EPPIN: variants seen among roughly 807,000 people sequenced by gnomAD.
EPPIN encodes the protein epididymal peptidase inhibitor, also known as WAP four-disulfide core domain protein 7.
Under a neutral mutation model 18.8 loss-of-function variants are expected in EPPIN, and 14 were observed. That is an observed-to-expected ratio of 0.75 (90% confidence interval 0.49 to 1.17). EPPIN has a LOEUF of 1.17. EPPIN is among the 50% of genes most tolerant of loss of function. The pLI, the probability that EPPIN is intolerant of heterozygous loss-of-function variation, is 0.00. For missense variants in EPPIN, 143 were observed against 154.2 expected, an observed-to-expected ratio of 0.93 and a Z score of 0.39; for synonymous variants, 57 against 54.8, an observed-to-expected ratio of 1.04 and a Z score of -0.18.
rs1405971856 is a variant in EPPIN, at chr20:45,542,973, C to CT, written c.224-107dup. 7 of 1,469,870 alleles carry CT rather than the reference C, an allele frequency of 4.8e-6. No individual in the cohort carries two copies. The Admixed American group carries it at 1.7e-4, about 36-fold the overall frequency. The allele number at this position is 1,469,870 out of a possible 1,614,324, so 91.1% of individuals were successfully genotyped here. ...CTATAGAAGAAACTGGAGTAGGCTC[C>CT]TTTTCTCTTATCACATGGCAGGAGC... is the stretch of plus-strand genomic sequence containing the variant. On this transcript the variant is annotated intron_variant, in intron 2 of 3. Coordinates refer to ENST00000354280, the MANE Select transcript of EPPIN (RefSeq NM_020398.4).
At chr20:45,542,226 T>G (rs889140359) in intron 3 of EPPIN, 72 bp from the exon 4 acceptor site, 170 of 1,593,394 alleles carry the variant, frequency 1.1e-4, no homozygotes, top group Middle Eastern at 3.3e-4. Flanking sequence ...GAAGTTATGT[T>G]TATACATCTT....
In EPPIN at chr20:45,542,721, G is replaced by A. The variant is rs6032285; in HGVS notation, c.370C>T (p.Leu124=). The change falls in exon 3 of 4, where the codon CTG becomes TTG. Residue 124 remains leucine (L), a synonymous_variant. Transcript: ENST00000354280. The part of the protein sequence containing the change: ...NNNFQSKANC[L]NTCKNKRFP ...TTACGTTTATTCTTGCAGGTGTTCA[G>A]GCAGTTGGCTTTGGATTGGAAGTTG... is the stretch of plus-strand genomic sequence containing the variant. The A allele has an allele frequency of 1.9e-6, 3 of 1,613,864 alleles. No individual in the cohort carries two copies. Among genetic ancestry groups the A allele is most frequent in the Non-Finnish European group, 2.5e-6 (3 of 1,179,828 alleles).
rs11594 is a variant in EPPIN, at chr20:45,542,073, C to A, written c.*71G>T. On this transcript the variant is annotated 3_prime_UTR_variant, in exon 4 of 4. Coordinates refer to ENST00000354280, the MANE Select transcript of EPPIN (RefSeq NM_020398.4). ...AAACTGGAAGCCAGTCTGGAGCATC[C>A]GTCAGGTACAGGAACAGTACTCAGA... 0.86 allele frequency: 1,370,079 copies of A among 1,584,742 alleles called. 593,212 individuals are homozygous for A. The highest frequency in any genetic ancestry group is 0.98 in the African/African-American group (72,291 of 74,060).
At chr20:45,546,989 G>A (rs570768683) in intron 1 of EPPIN, among the ~76,000 whole-genome samples, 27 of 152,132 alleles carry the variant, frequency 1.8e-4, no homozygotes, top group African/African-American at 6.3e-4. Flanking sequence ...TTCCTGTAGC[G>A]ACTCCCCTGA....
intron 2 of EPPIN, 99 bp downstream of exon 2, chr20:45,545,540 G>T (rs746265586): frequency 2.0e-5 from 31 of 1,587,740 alleles, no homozygotes; most frequent in African/African-American, 2.7e-5. Flanking sequence ...TTTTGCCAGA[G>T]ACCAGCCCTC....
intron 2 of EPPIN, chr20:45,544,463 C>T (rs946452510): frequency 6.6e-6 from 1 of 152,090 alleles, no homozygotes; most frequent in Non-Finnish European, 1.5e-5. Context: ...CAAAAAGGCT[C>T]GTAAAAACTG....
chr20:45,545,727 C>T lies in EPPIN; in HGVS notation c.135G>A (p.Arg45=), dbSNP rs1229325050. The change falls in exon 2 of 4, where the codon AGG becomes AGA. Residue 45 remains arginine, a synonymous_variant. Coordinates refer to ENST00000354280, the MANE Select transcript of EPPIN (RefSeq NM_020398.4). Reference sequence around the variant, plus strand: ...ATTGTCTGTCCTTTGTACACACATCCCTTTCTTGGAATTCACATTCTTCTC... The same window carrying T: ...ATTGTCTGTCCTTTGTACACACATCTCTTTCTTGGAATTCACATTCTTCTC... ...KIREECEFQE[R]DVCTKDRQCQ... is the part of the protein sequence containing the mutation. The T allele has an allele frequency of 2.5e-6, 4 of 1,614,026 alleles. No homozygotes were observed. The highest frequency in any genetic ancestry group is 2.2e-5 in the South Asian group (2 of 91,064).
chr20:45,545,464 C>T (rs537959797), intron 2 of EPPIN, 175 bp downstream of exon 2: 2 of 1,066,430 alleles, frequency 1.9e-6, no homozygotes, highest in Non-Finnish European at 2.7e-6. Context: ...TAAGGTCATT[C>T]CTAATGGCAC....
chr20:45,542,594 C>G, intron 3 of EPPIN, 106 bp downstream of exon 3: 2 of 1,473,426 alleles, frequency 1.4e-6, no homozygotes, highest in Non-Finnish European at 1.8e-6. Flanking sequence ...GTTCTGTCAG[C>G]ACCAGGTCTG....
chr20:45,544,390 T>C (rs1297210010), intron 2 of EPPIN: 1 of 152,206 alleles, frequency 6.6e-6, no homozygotes, highest in Non-Finnish European at 1.5e-5. Flanking sequence ...TCTTTTACAC[T>C]GATCCTTTTA....
At chr20:45,542,365 G>A (rs1257754521) in intron 3 of EPPIN, 5 of 681,690 alleles carry the variant, frequency 7.3e-6, no homozygotes, top group Non-Finnish European at 1.2e-5. Context: ...AGAAGGGTTG[G>A]TTGGTCAACG....
At chr20:45,542,645 A>T in intron 3 of EPPIN, 55 bp downstream of exon 3, 2 of 1,579,162 alleles carry the variant, frequency 1.3e-6, no homozygotes, top group Non-Finnish European at 1.7e-6. Context: ...GCCAACACCC[A>T]GACCTCCCGG....
In EPPIN at chr20:45,547,259, A is replaced by G. The variant is rs756936989; in HGVS notation, c.91+8T>C. The G allele has an allele frequency of 8.1e-6, 13 of 1,613,710 alleles. No homozygotes were observed. The East Asian group carries it at 8.9e-5, about 11-fold the overall frequency. ...CTCTCTAGGGTAAGGGCTGAGGCCA[A>G]TACTTACTGGGAAATAACCAATCAG... is the stretch of plus-strand genomic sequence containing the variant. On this transcript the variant is annotated splice_region_variant and intron_variant, in intron 1 of 3. Coordinates refer to ENST00000354280, the MANE Select transcript of EPPIN (RefSeq NM_020398.4).
At chr20:45,542,460 A>T in intron 3 of EPPIN, 1 of 644,550 alleles carries the variant, frequency 1.6e-6, no homozygotes, top group East Asian at 2.8e-5. Context: ...ACCCCTCCTA[A>T]TTCCCCTCAT....
rs1380476105 is a variant in EPPIN, at chr20:45,542,853, G to A, written c.238C>T (p.Pro80Ser). 25 of 1,613,068 alleles carry A rather than the reference G, an allele frequency of 1.5e-5. No homozygotes were observed. Among genetic ancestry groups the A allele is most frequent in the Non-Finnish European group, 2.0e-5 (24 of 1,179,518 alleles). Reference sequence around the variant, plus strand: ...GCCAGGCAGGGGCCAGTTTCTTTTGGCATTTCGCATACATCTGCAGAGAGA... The same window carrying A: ...GCCAGGCAGGGGCCAGTTTCTTTTGACATTTCGCATACATCTGCAGAGAGA... ...LDLKQDVCEMPKETGPCLAYF... is the reference protein window; with the variant it reads ...LDLKQDVCEMSKETGPCLAYF... The change falls in exon 3 of 4, where the codon CCA (proline) becomes TCA (serine). Residue 80 changes from proline (P) to serine (S), a missense_variant. By Grantham distance (74) the Pro-to-Ser change is moderately conservative (BLOSUM62 -1). Coordinates refer to ENST00000354280, the MANE Select transcript of EPPIN (RefSeq NM_020398.4).
At chr20:45,547,104 G>A (rs1259996356) in intron 1 of EPPIN, among the ~76,000 whole-genome samples, 163 bp downstream of exon 1, 1 of 152,118 alleles carries the variant, frequency 6.6e-6, no homozygotes, top group Non-Finnish European at 1.5e-5. Context: ...ATTCCCAGAA[G>A]GAATCTTACA....
At chr20:45,542,909 C>G in intron 2 of EPPIN, 42 bp from the exon 3 acceptor site, 1 of 1,574,316 alleles carries the variant, frequency 6.4e-7, no homozygotes, top group South Asian at 1.2e-5. Context: ...TGTGCCCACT[C>G]CAGAAATAAA....
chr20:45,545,545 G>C, intron 2 of EPPIN, 94 bp downstream of exon 2: 1 of 1,594,010 alleles, frequency 6.3e-7, no homozygotes. Flanking sequence ...CCAGAGACCA[G>C]CCCTCAGCGA....
At chr20:45,547,175 G>T in intron 1 of EPPIN, 92 bp downstream of exon 1, 1 of 1,563,944 alleles carries the variant, frequency 6.4e-7, no homozygotes, top group South Asian at 1.2e-5. Context: ...CTAAGATGGT[G>T]GAAAGCAACC....
Sources: gnomAD v4.1 joint callset for allele counts (sites outside exome capture counted in the v4.1 genomes callset) on GRCh38, gnomAD v4.1.1 for gene constraint, MANE v1.5 for transcripts, NCBI Gene and HGNC (gene_info 2026-07-23, HGNC 2026-07-21) for gene names.